The following NTRK3 variants were observed in gnomAD, a reference collection of about 807,000 sequenced individuals.
NTRK3 encodes the protein NT-3 growth factor receptor.
A neutral mutation model predicts 91.7 loss-of-function variants in NTRK3; 24 were observed. That is an observed-to-expected ratio of 0.26 (90% confidence interval 0.19 to 0.37). NTRK3 has a LOEUF of 0.37. NTRK3 is among the 10% of genes least tolerant of loss of function. NTRK3 has a pLI of 1.00. For synonymous variants in NTRK3, 483 were observed against 404.0 expected, an observed-to-expected ratio of 1.20 and a Z score of -2.34; for missense variants, 880 against 1,068.9, an observed-to-expected ratio of 0.82 and a Z score of 2.46.
chr15:88,215,834 G>A (rs1210323069), intron 3 of NTRK3, among the ~76,000 whole-genome samples: 1 of 152,164 alleles, frequency 6.6e-6, no homozygotes, highest in African/African-American at 2.4e-5. Context: ...ATATGAAATT[G>A]AAAAATGCAA....
At chr15:88,129,572 A>G (rs2053609753) in intron 10 of NTRK3, among the ~76,000 whole-genome samples, 1 of 152,200 alleles carries the variant, frequency 6.6e-6, no homozygotes, top group African/African-American at 2.4e-5. Context: ...ATTGCTACCA[A>G]CATCCAATAA....
intron 5 of NTRK3, among the ~76,000 whole-genome samples, chr15:88,181,172 G>C (rs2046422250): frequency 6.6e-6 from 1 of 152,116 alleles, no homozygotes; most frequent in Non-Finnish European, 1.5e-5. Context: ...AAGTACTTTG[G>C]CAAGAGCTGG....
intron 14 of NTRK3, among the ~76,000 whole-genome samples, chr15:87,942,211 A>G (rs957858445): frequency 3.3e-5 from 5 of 152,214 alleles, no homozygotes; most frequent in African/African-American, 1.2e-4. Context: ...TTTACAGACT[A>G]TTATTTTCTC....
At chr15:88,135,831 C>A in intron 9 of NTRK3, 68 bp downstream of exon 9, 1 of 1,589,910 alleles carries the variant, frequency 6.3e-7, no homozygotes, top group Non-Finnish European at 8.6e-7. Context: ...AACACCTTGG[C>A]CCCTCTCCAG....
At position 87,968,709 on chromosome 15, in the gene NTRK3, T is replaced by C. The variant is rs531818785; in HGVS notation, c.1586-27956A>G. Among the ~76,000 whole-genome samples, 5 of 152,214 alleles carry C rather than the reference T, an allele frequency of 3.3e-5. No homozygotes were observed. The East Asian group carries it at 5.8e-4, about 18-fold the overall frequency. ...CTCCATGTGTTTGCATCTCCCAGAG[T>C]ATTGTCAAGGGTATGCAAAAACAAT... On this transcript the variant is annotated intron_variant, in intron 14 of 18. Transcript: ENST00000394480.
At chr15:87,975,219 C>T (rs2073621473) in intron 14 of NTRK3, among the ~76,000 whole-genome samples, 1 of 152,132 alleles carries the variant, frequency 6.6e-6, no homozygotes, top group Non-Finnish European at 1.5e-5. Context: ...GTAAAAAAGT[C>T]CAGCCTCTCC....
At chr15:88,158,258 C>T (rs1367566817) in intron 5 of NTRK3, among the ~76,000 whole-genome samples, 1 of 152,186 alleles carries the variant, frequency 6.6e-6, no homozygotes, top group Non-Finnish European at 1.5e-5. Flanking sequence ...CCACCGAAGC[C>T]ACAACGCGCC....
chr15:87,983,786 C>T (rs1046996623), intron 14 of NTRK3, among the ~76,000 whole-genome samples: 4 of 152,300 alleles, frequency 2.6e-5, no homozygotes, highest in South Asian at 2.1e-4. Flanking sequence ...ATGGTAAGGA[C>T]GTTCTCTTGG....
intron 14 of NTRK3, 52 bp from the exon 15 acceptor site, chr15:87,940,805 C>A: frequency 6.2e-7 from 1 of 1,613,262 alleles, no homozygotes; most frequent in African/African-American, 1.3e-5. Context: ...CGTTTGGTGA[C>A]ACAGGGAGAC....
At chr15:88,046,450 T>C (rs568511567) in intron 13 of NTRK3, among the ~76,000 whole-genome samples, 10 of 151,978 alleles carry the variant, frequency 6.6e-5, no homozygotes, top group Non-Finnish European at 1.0e-4. Context: ...AGATGACACA[T>C]AGGAAGAGCA....
chr15:87,963,552 A>T (rs1334900119), intron 14 of NTRK3, among the ~76,000 whole-genome samples: 4 of 152,230 alleles, frequency 2.6e-5, no homozygotes, highest in African/African-American at 9.6e-5. Flanking sequence ...TCCATAAATT[A>T]CATGAGATAT....
intron 17 of NTRK3, among the ~76,000 whole-genome samples, chr15:87,900,238 T>C (rs937799579): frequency 6.6e-6 from 1 of 152,188 alleles, no homozygotes; most frequent in African/African-American, 2.4e-5. Flanking sequence ...ACCACCACTC[T>C]TTTTAAGCAC....
chr15:87,882,710 G>A (rs1234892125), intron 17 of NTRK3, among the ~76,000 whole-genome samples: 2 of 152,020 alleles, frequency 1.3e-5, no homozygotes, highest in South Asian at 2.1e-4. Context: ...ATTAATTGTT[G>A]AGATTAACAC....
At chr15:87,872,020 C>T (rs1025044546) in exon 19 of NTRK3, 1 of 221,500 alleles carries the variant, frequency 4.5e-6, no homozygotes, top group Non-Finnish European at 9.0e-6. Flanking sequence ...GCTTCAGGAG[C>T]CAAAAACACA....
intron 3 of NTRK3, among the ~76,000 whole-genome samples, chr15:88,202,226 G>A (rs954323955): frequency 5.3e-5 from 8 of 152,160 alleles, no homozygotes; most frequent in African/African-American, 1.9e-4. Flanking sequence ...GAGGCACGAG[G>A]GGCTTTTTTC....
chr15:87,975,405 C>T (rs1344353639), intron 14 of NTRK3, among the ~76,000 whole-genome samples: 1 of 152,148 alleles, frequency 6.6e-6, no homozygotes, highest in Non-Finnish European at 1.5e-5. Context: ...ACTGAGTCAG[C>T]TGTCAATCTG....
intron 14 of NTRK3, among the ~76,000 whole-genome samples, chr15:88,024,523 A>G (rs543101477): frequency 6.6e-6 from 1 of 152,308 alleles, no homozygotes; most frequent in Admixed American, 6.5e-5. Flanking sequence ...AGTTTTGGCA[A>G]TGTCATGAGA....
intron 14 of NTRK3, among the ~76,000 whole-genome samples, chr15:88,024,289 T>A (rs2077838433): frequency 1.3e-5 from 2 of 152,072 alleles, no homozygotes; most frequent in Non-Finnish European, 2.9e-5. Flanking sequence ...GCTGATATGT[T>A]AGAGGGGAAT....
chr15:88,132,368 G>C (rs570150760), intron 10 of NTRK3, among the ~76,000 whole-genome samples: 1 of 152,334 alleles, frequency 6.6e-6, no homozygotes, highest in South Asian at 2.1e-4. Context: ...GCTTAGATGG[G>C]AGATATTATC....
Sources: gnomAD v4.1 joint callset for allele counts (sites outside exome capture counted in the v4.1 genomes callset) on GRCh38, gnomAD v4.1.1 for gene constraint, MANE v1.5 for transcripts, NCBI Gene and HGNC (gene_info 2026-07-23, HGNC 2026-07-21) for gene names.